Variants in SUPV3L1 observed in about 807,000 individuals in gnomAD.
SUPV3L1 encodes Suv3 like RNA helicase, also known as ATP-dependent RNA helicase SUPV3L1, mitochondrial.
Under a neutral mutation model 70.0 loss-of-function variants are expected in SUPV3L1, and 35 were observed. That is an observed-to-expected ratio of 0.50 (90% CI 0.38 to 0.66). The LOEUF is 0.66. Ranked by LOEUF, SUPV3L1 falls within the 30% of genes least tolerant of loss-of-function variation. The pLI, the probability that SUPV3L1 is intolerant of heterozygous loss-of-function variation, is 0.00. For missense variants in SUPV3L1, 777 were observed against 961.5 expected (o/e 0.81, Z 2.54); for synonymous variants, 364 against 341.9 (o/e 1.06, Z -0.71).
rs774447483 is a variant in SUPV3L1 at position 69,203,009 on chromosome 10, A to G, written c.1742A>G (p.Lys581Arg). The stretch of plus-strand genomic sequence containing the variant: ...GTTTTCTGCACAGCTCCTATCAACA[A>G]GAAGCAGCCTTTTGTGTGTTCTTCA... ...RYVFCTAPINKKQPFVCSSLL... is the reference protein window; with the variant it reads ...RYVFCTAPINRKQPFVCSSLL... The change falls in exon 13 of 15, where the codon AAG (lysine) becomes AGG (arginine). Residue 581 changes from lysine to arginine, a missense_variant. Coordinates refer to ENST00000359655, the MANE Select transcript of SUPV3L1 (RefSeq NM_003171.5). 1.2e-6 allele frequency: 2 copies of G among 1,613,792 alleles called. No homozygotes were observed. Among genetic ancestry groups the G allele is most frequent in the African/African-American group, 2.7e-5 (2 of 74,936 alleles).
chr10:69,191,986 T>TA, intron 6 of SUPV3L1: 1 of 378,412 alleles, frequency 2.6e-6, no homozygotes, highest in East Asian at 4.9e-5. Context: ...TTTGTATTTT[T>TA]ACTAGAGACG....
At chr10:69,184,614 A>AACACACACAC (rs1786879388) in intron 1 of SUPV3L1, among the ~76,000 whole-genome samples, 1 of 43,910 alleles carries the variant, frequency 2.3e-5, no homozygotes, top group Non-Finnish European at 5.0e-5. Flanking sequence ...CTGAAATATA[A>AACACACACAC]ATACACACAC....
chr10:69,181,028 T>C (rs1317087929), intron 1 of SUPV3L1, among the ~76,000 whole-genome samples: 2 of 152,114 alleles, frequency 1.3e-5, no homozygotes. Flanking sequence ...CAGACTCAGA[T>C]CCAGATCCCC....
intron 13 of SUPV3L1, among the ~76,000 whole-genome samples, chr10:69,204,166 C>A (rs955990185): frequency 1.3e-5 from 2 of 152,170 alleles, no homozygotes; most frequent in Non-Finnish European, 2.9e-5. Context: ...ATGAAGAAAT[C>A]TACATAAGTG....
At chr10:69,204,876 C>T (rs986691569) in intron 13 of SUPV3L1, among the ~76,000 whole-genome samples, 2 of 151,796 alleles carry the variant, frequency 1.3e-5, no homozygotes, top group East Asian at 1.9e-4. Flanking sequence ...TGGGTTCAAG[C>T]GATTCTCGTG....
intron 13 of SUPV3L1, 51 bp from the exon 14 acceptor site, chr10:69,207,742 T>A: frequency 6.4e-7 from 1 of 1,573,202 alleles, no homozygotes; most frequent in East Asian, 2.3e-5. Flanking sequence ...AATTATAGAC[T>A]TAAGGGAATT....
intron 13 of SUPV3L1, among the ~76,000 whole-genome samples, chr10:69,206,718 A>C (rs1842839526): frequency 6.6e-6 from 1 of 152,186 alleles, no homozygotes; most frequent in Non-Finnish European, 1.5e-5. Flanking sequence ...CTATATAATA[A>C]GGGAGGACAG....
At chr10:69,206,552 G>T (rs919089009) in intron 13 of SUPV3L1, among the ~76,000 whole-genome samples, 1 of 152,216 alleles carries the variant, frequency 6.6e-6, no homozygotes, top group Non-Finnish European at 1.5e-5. Flanking sequence ...TTCCCCAGCA[G>T]TGTCTTGTGG....
chr10:69,203,041 C>T lies in SUPV3L1; in HGVS notation c.1774C>T (p.Gln592Ter). ...KQPFVCSSLL[Q>*]FARQYSRNEP... The stretch of plus-strand genomic sequence containing the variant: ...GCCTTTTGTGTGTTCTTCACTGTTA[C>T]AGGTAAGCCTTTATCTTTAAGCTAT... Residue 592 changes from glutamine (Q) to a stop codon, truncating the protein, a stop_gained and splice_region_variant, in exon 13 of 15, where the codon CAG (glutamine) becomes TAG (stop). Coordinates refer to ENST00000359655, the MANE Select transcript of SUPV3L1 (RefSeq NM_003171.5). LOFTEE classifies it high-confidence loss of function. The T allele has an allele frequency of 6.2e-7, 1 of 1,607,860 alleles. No homozygotes were observed. Among genetic ancestry groups the T allele is most frequent in the Non-Finnish European group, 8.5e-7 (1 of 1,177,256 alleles).
chr10:69,182,066 C>T (rs1474450465), intron 1 of SUPV3L1, among the ~76,000 whole-genome samples: 1 of 150,158 alleles, frequency 6.7e-6, no homozygotes, highest in Non-Finnish European at 1.5e-5. Flanking sequence ...ATGATCATAG[C>T]TCACTGTAAC....
intron 6 of SUPV3L1, among the ~76,000 whole-genome samples, chr10:69,193,457 T>G (rs113155256): frequency 0.013 from 2,023 of 151,190 alleles, 12 homozygotes; most frequent in Non-Finnish European, 0.023. Context: ...AAGTAGTTTT[T>G]TTTTTTTTTT....
intron 2 of SUPV3L1, 35 bp downstream of exon 2, chr10:69,186,099 T>TAAAA: frequency 1.3e-6 from 2 of 1,561,916 alleles, no homozygotes; most frequent in Non-Finnish European, 1.8e-6. Context: ...AGGTATTTTA[T>TAAAA]TACCTCTTAC....
intron 14 of SUPV3L1, 133 bp from the exon 15 acceptor site, chr10:69,208,467 C>A: frequency 3.0e-6 from 3 of 988,956 alleles, no homozygotes; most frequent in Non-Finnish European, 4.5e-6. Flanking sequence ...CAAGGTTGAG[C>A]AAAGGCACTG....
At chr10:69,198,770 CTG>C (rs1241016876) in intron 9 of SUPV3L1, among the ~76,000 whole-genome samples, 1 of 152,122 alleles carries the variant, frequency 6.6e-6, no homozygotes, top group Non-Finnish European at 1.5e-5. Context: ...TATTATTAGA[CTG>C]TATCTTAAAT....
chr10:69,180,446 C>T lies in SUPV3L1; in HGVS notation c.155C>T (p.Ala52Val), dbSNP rs1288855422. The T allele has an allele frequency of 6.2e-7, 1 of 1,614,274 alleles. No individual in the cohort carries two copies. The highest frequency in any genetic ancestry group is 1.7e-5 in the Admixed American group (1 of 60,034). Reference sequence around the variant, plus strand: ...GTCCTTGCCACCGCCTCCTCCTCTGCCTCCGGTGGCTCCAAAATACCAAAC... The same window carrying T: ...GTCCTTGCCACCGCCTCCTCCTCTGTCTCCGGTGGCTCCAAAATACCAAAC... The part of the protein sequence containing the change: ...VSVLATASSS[A>V]SGGSKIPNTS... The change falls in exon 1 of 15, where the codon GCC (alanine) becomes GTC (valine). Residue 52 changes from alanine (A) to valine (V), a missense_variant. Coordinates refer to ENST00000359655, the MANE Select transcript of SUPV3L1 (RefSeq NM_003171.5).
At position 69,202,994 on chromosome 10, in the gene SUPV3L1, C is replaced by T. The variant is rs749528104; in HGVS notation, c.1727C>T (p.Thr576Ile). 1.2e-6 allele frequency: 2 copies of T among 1,613,910 alleles called. No homozygotes were observed. Among genetic ancestry groups the T allele is most frequent in the Non-Finnish European group, 1.7e-6 (2 of 1,179,970 alleles). The change falls in exon 13 of 15, where the codon ACA becomes ATA. Residue 576 changes from threonine (T) to isoleucine (I), a missense_variant. Physicochemically the swap from Thr to Ile is moderately conservative, Grantham distance 89. Around this residue, in one of 2 missense-constraint regions of SUPV3L1, gnomAD observed 619 missense variants for 823.3 expected, o/e 0.75. Transcript: ENST00000359655. Reference sequence around the variant, plus strand: ...CTGCGAGTGAGGTATGTTTTCTGCACAGCTCCTATCAACAAGAAGCAGCCT... The same window carrying T: ...CTGCGAGTGAGGTATGTTTTCTGCATAGCTCCTATCAACAAGAAGCAGCCT... ...LSLRVRYVFC[T>I]APINKKQPFV...
chr10:69,204,720 T>C (rs1564713732), intron 13 of SUPV3L1, among the ~76,000 whole-genome samples: 3 of 152,184 alleles, frequency 2.0e-5, no homozygotes. Flanking sequence ...CCTATGTGCA[T>C]GTTCATGTGG....
chr10:69,195,310 C>T (rs777345653), intron 7 of SUPV3L1, 45 bp downstream of exon 7: 36 of 1,417,612 alleles, frequency 2.5e-5, no homozygotes, highest in East Asian at 4.9e-5. Flanking sequence ...ATGACATCTG[C>T]GCTGAGATGC....
Position 69,195,319 on chromosome 10 carries a change from G to A in SUPV3L1, c.931+54G>A, listed in dbSNP as rs1842515068. On this transcript the variant is annotated intron_variant, in intron 7 of 14. Transcript: ENST00000359655. ...TGCTTTATGACATCTGCGCTGAGATGCATTTTTATCTGCTTGCCATTGCCA... is the reference window on the plus strand; with the variant it reads ...TGCTTTATGACATCTGCGCTGAGATACATTTTTATCTGCTTGCCATTGCCA... 24 of 1,391,644 alleles carry A rather than the reference G, an allele frequency of 1.7e-5. No individual in the cohort carries two copies. In the South Asian group the frequency reaches 3.3e-4, roughly 19 times the overall value. The allele number at this position is 1,391,644 out of a possible 1,614,324, so 86.2% of individuals were successfully genotyped here.
Sources: allele counts gnomAD v4.1 joint callset (sites outside exome capture counted in the v4.1 genomes callset), GRCh38; gene constraint gnomAD v4.1.1; regional missense constraint gnomAD v4.1.1; transcripts MANE v1.5; gene names NCBI Gene and HGNC (gene_info 2026-07-23, HGNC 2026-07-21).